Variants in LSR observed in about 807,000 individuals in gnomAD.
LSR encodes lipolysis-stimulated lipoprotein receptor.
LSR carries 44 observed loss-of-function variants against 61.8 expected under a neutral mutation model. That is an observed-to-expected ratio of 0.71 (90% CI 0.56 to 0.91). LSR has a LOEUF of 0.91. Among genes scored for constraint, LSR ranks in the 40% least tolerant of loss-of-function variants. LSR has a pLI of 0.00. For missense variants in LSR, 911 were observed against 830.5 expected, an observed-to-expected ratio of 1.10 and a Z score of -1.19; for synonymous variants, 397 against 350.6, an observed-to-expected ratio of 1.13 and a Z score of -1.48.
In LSR at chr19:35,262,600, T is replaced by A. The variant is rs775878708; in HGVS notation, c.686T>A (p.Leu229Gln). 1 of 1,614,246 alleles carries A rather than the reference T, an allele frequency of 6.2e-7. No individual in the cohort carries two copies. Among genetic ancestry groups the A allele is most frequent in the Admixed American group, 1.7e-5 (1 of 60,034 alleles). The change falls in exon 5 of 10, where the codon CTG becomes CAG. Residue 229 changes from leucine to glutamine, a missense_variant. Leu to Gln is a moderately radical substitution (Grantham distance 113, BLOSUM62 -2). Coordinates refer to ENST00000605618, the MANE Select transcript of LSR (RefSeq NM_205834.4). ...GCTGCCTTCCTCATCTTCCTCCTCC[T>A]GGGCATCTGCTGGTGCCAGTGCTGC... is the stretch of plus-strand genomic sequence containing the variant. ...CLAAFLIFLL[L>Q]GICWCQCCPH...
At chr19:35,257,317 C>T (rs577417568) in intron 2 of LSR, among the ~76,000 whole-genome samples, 2 of 152,204 alleles carry the variant, frequency 1.3e-5, no homozygotes, top group African/African-American at 4.8e-5. Context: ...GTGGGAGAAG[C>T]CCAGCCCACA....
chr19:35,262,905 TTTTG>T, intron 5 of LSR: 1 of 592,794 alleles, frequency 1.7e-6, no homozygotes, highest in Non-Finnish European at 2.9e-6. Flanking sequence ...TGTTCTTTTC[TTTTG>T]TAAGTATAAT....
chr19:35,254,975 G>A (rs2065839685), intron 2 of LSR, among the ~76,000 whole-genome samples: 1 of 152,162 alleles, frequency 6.6e-6, no homozygotes, highest in Admixed American at 6.5e-5. Flanking sequence ...ATGGCAGGCG[G>A]TTCCTGTCCA....
intron 3 of LSR, chr19:35,259,337 TA>T (rs1491572969): frequency 6.7e-6 from 2 of 298,732 alleles, no homozygotes; most frequent in South Asian, 5.0e-5. Flanking sequence ...GTCTCATTTT[TA>T]AAAAAAATCC....
chr19:35,262,045 A>C (rs2065936813), intron 4 of LSR, 64 bp downstream of exon 4: 6 of 1,396,240 alleles, frequency 4.3e-6, no homozygotes, highest in Non-Finnish European at 4.9e-6. Flanking sequence ...ACTGCTTCTG[A>C]CTCTAGTTAG....
chr19:35,263,666 T>C (rs1350432883), intron 5 of LSR, among the ~76,000 whole-genome samples: 1 of 152,122 alleles, frequency 6.6e-6, no homozygotes, highest in African/African-American at 2.4e-5. Context: ...CTGGCCAATT[T>C]TTAAAAATTT....
At chr19:35,260,921 T>G (rs986841875) in intron 3 of LSR, among the ~76,000 whole-genome samples, 1 of 152,188 alleles carries the variant, frequency 6.6e-6, no homozygotes, top group Admixed American at 6.5e-5. Context: ...CTACTGGACA[T>G]TCATGGGAGA....
Position 35,250,450 on chromosome 19 carries a change from C to CTT in LSR, c.247_248dup (p.Cys84SerfsTer54). The CTT allele has an allele frequency of 6.2e-7, 1 of 1,614,074 alleles. No homozygotes were observed. Among genetic ancestry groups the CTT allele is most frequent in the Non-Finnish European group, 8.5e-7 (1 of 1,179,992 alleles). Reference sequence around the variant, plus strand: ...CCCATCGTCATCTGGAAGTACAAGTCTTTCTGCCGGGACCGCATCGCCGAT... The same window carrying CTT: ...CCCATCGTCATCTGGAAGTACAAGTCTTTTTCTGCCGGGACCGCATCGCCGAT... On this transcript the variant is annotated frameshift_variant, in exon 2 of 10. Transcript: ENST00000605618. LOFTEE classifies it high-confidence loss of function.
intron 2 of LSR, among the ~76,000 whole-genome samples, chr19:35,254,946 C>T (rs1267408145): frequency 6.6e-6 from 1 of 152,170 alleles, no homozygotes; most frequent in Admixed American, 6.6e-5. Context: ...CAACCCCTGG[C>T]CTATATGATC....
At chr19:35,250,779 A>G in intron 2 of LSR, 120 bp downstream of exon 2, 1 of 661,384 alleles carries the variant, frequency 1.5e-6, no homozygotes, top group Non-Finnish European at 2.4e-6. Context: ...TGAAAGGACC[A>G]TTGAAGGGAG....
intron 3 of LSR, among the ~76,000 whole-genome samples, chr19:35,259,702 G>T (rs1296955745): frequency 6.6e-6 from 1 of 152,092 alleles, no homozygotes; most frequent in Admixed American, 6.5e-5. Flanking sequence ...TTGATGGTGT[G>T]CAAAATCGAC....
At chr19:35,258,596 C>T (rs1361337293) in intron 2 of LSR, among the ~76,000 whole-genome samples, 1 of 151,758 alleles carries the variant, frequency 6.6e-6, no homozygotes, top group Non-Finnish European at 1.5e-5. Flanking sequence ...CAGAGTGAGA[C>T]CCTGTCTCTA....
Position 35,266,438 on chromosome 19 carries a change from C to G in LSR, c.858C>G (p.Ala286=). The G allele has an allele frequency of 6.2e-7, 1 of 1,612,782 alleles. No individual in the cohort carries two copies. The highest frequency in any genetic ancestry group is 2.2e-5 in the East Asian group (1 of 44,890). Residue 286 remains alanine (A), a synonymous_variant, in exon 6 of 10, where the codon GCC becomes GCG. Transcript: ENST00000605618. ...APSTYAHLSP[A]KTPPPPAMIP... is the part of the protein sequence containing the mutation. ...GCACCTATGCCCACCTGTCTCCCGC[C>G]AAGACCCCACCCCCACCAGCTATGA...
Position 35,250,549 on chromosome 19 carries a change from A to C in LSR, c.344A>C (p.Tyr115Ser). Reference protein sequence around the residue: ...LAAGNPGYNPYVECQDSVRTV... With the variant: ...LAAGNPGYNPSVECQDSVRTV... The stretch of plus-strand genomic sequence containing the variant: ...GCCGGGAACCCAGGCTACAACCCCT[A>C]CGTTGAGTGCCAGGACAGCGTGCGC... The change falls in exon 2 of 10, where the codon TAC becomes TCC. Residue 115 changes from tyrosine (Y) to serine (S), a missense_variant. Tyr to Ser is a moderately radical substitution (Grantham distance 144). Coordinates refer to ENST00000605618, the MANE Select transcript of LSR (RefSeq NM_205834.4). 1 of 1,613,930 alleles carries C rather than the reference A, an allele frequency of 6.2e-7. No homozygotes were observed. Among genetic ancestry groups the C allele is most frequent in the Non-Finnish European group, 8.5e-7 (1 of 1,179,956 alleles).
At chr19:35,259,199 C>A in intron 3 of LSR, 135 bp downstream of exon 3, 1 of 1,174,392 alleles carries the variant, frequency 8.5e-7, no homozygotes, top group African/African-American at 1.5e-5. Flanking sequence ...CTCCCCCAGG[C>A]TCTGCCAGTC....
intron 1 of LSR, chr19:35,249,339 A>T: frequency 1.7e-6 from 1 of 582,976 alleles, no homozygotes. Context: ...CCTTATCTGG[A>T]AGATAGCAGG....
At position 35,254,169 on chromosome 19, in the gene LSR, C is replaced by T. The variant is rs150414212; in HGVS notation, c.454+3510C>T. 5.5e-3 allele frequency among the ~76,000 whole-genome samples: 843 copies of T among 152,278 alleles called. 9 individuals are homozygous for T. The highest frequency in any genetic ancestry group is 0.019 in the African/African-American group (807 of 41,554). ...AGTGCAGTGGTGCAATCTCAGCTCA[C>T]TGCAACCTCTGCCTCGCAAGTTCAA... On this transcript the variant is annotated intron_variant, in intron 2 of 9. Coordinates refer to ENST00000605618, the MANE Select transcript of LSR (RefSeq NM_205834.4).
At chr19:35,258,478 T>A (rs1599597668) in intron 2 of LSR, among the ~76,000 whole-genome samples, 1 of 149,698 alleles carries the variant, frequency 6.7e-6, no homozygotes, top group Non-Finnish European at 1.5e-5. Flanking sequence ...AAGCTGGGCA[T>A]GGTGGAGTGC....
rs369135093 is a variant in LSR at position 35,260,587 on chromosome 19, G to A, written c.575-1338G>A. ...GGATTACAGGCATGAGCCACTGCCC[G>A]GCCTTAAAATGGGGAGATTTTTCAA... On this transcript the variant is annotated intron_variant, in intron 3 of 9. Transcript: ENST00000605618. 9.9e-5 allele frequency among the ~76,000 whole-genome samples: 15 copies of A among 152,162 alleles called. No individual in the cohort carries two copies. In the South Asian group the frequency reaches 1.9e-3, roughly 19 times the overall value.
Sources: allele counts gnomAD v4.1 joint callset (sites outside exome capture counted in the v4.1 genomes callset), GRCh38; gene constraint gnomAD v4.1.1; transcripts MANE v1.5; gene names NCBI Gene and HGNC (gene_info 2026-07-23, HGNC 2026-07-21).